The following ASIC2 variants were observed in gnomAD, a reference collection of about 807,000 sequenced individuals.
ASIC2 encodes the protein acid-sensing ion channel 2.
A neutral mutation model predicts 57.3 loss-of-function variants in ASIC2; 25 were observed. The ratio of observed to expected loss-of-function variants is 0.44; its 90% CI spans 0.32 to 0.61. The LOEUF (loss-of-function observed/expected upper bound fraction) is 0.61. Among genes scored for constraint, ASIC2 ranks in the 20% least tolerant of loss-of-function variants. The pLI is 0.06. For synonymous variants in ASIC2, 319 were observed against 307.5 expected, an observed-to-expected ratio of 1.04 and a Z score of -0.39; for missense variants, 641 against 738.1, an observed-to-expected ratio of 0.87 and a Z score of 1.52.
intron 1 of ASIC2, among the ~76,000 whole-genome samples, chr17:33,314,316 G>A (rs965461716): frequency 1.3e-5 from 2 of 152,192 alleles, no homozygotes; most frequent in Non-Finnish European, 2.9e-5. Context: ...ACCAGACCAT[G>A]AGGTGGGGAC....
intron 1 of ASIC2, among the ~76,000 whole-genome samples, chr17:33,710,861 C>A (rs886607730): frequency 1.3e-5 from 2 of 152,258 alleles, no homozygotes; most frequent in East Asian, 1.9e-4. Flanking sequence ...TTAGTTGAAG[C>A]CTGCAGGCCC....
intron 1 of ASIC2, among the ~76,000 whole-genome samples, chr17:33,659,862 ACT>A (rs1907195792): frequency 1.4e-5 from 2 of 146,254 alleles, no homozygotes; most frequent in East Asian, 2.0e-4. Flanking sequence ...ACAGAGCGAG[ACT>A]CTGTCTCAAA....
At chr17:34,155,461 C>T (rs765570946) in intron 1 of ASIC2, 34 of 161,194 alleles carry the variant, frequency 2.1e-4, no homozygotes, top group Non-Finnish European at 3.5e-4. Context: ...GCTCCCAAAG[C>T]CACCGGAGCC....
At chr17:33,746,282 GTATATACA>G (rs1414623630) in intron 1 of ASIC2, among the ~76,000 whole-genome samples, 11 of 148,632 alleles carry the variant, frequency 7.4e-5, no homozygotes, top group Non-Finnish European at 1.5e-4. Flanking sequence ...ACGTGTACAT[GTATATACA>G]TATACACGTA....
intron 1 of ASIC2, among the ~76,000 whole-genome samples, chr17:33,590,352 G>T (rs1904785916): frequency 6.6e-6 from 1 of 152,146 alleles, no homozygotes; most frequent in South Asian, 2.1e-4. Flanking sequence ...TGTCCTCTTT[G>T]TTAGGACCAT....
chr17:33,787,179 C>G (rs1347574140), intron 1 of ASIC2, among the ~76,000 whole-genome samples: 1 of 152,218 alleles, frequency 6.6e-6, no homozygotes, highest in South Asian at 2.1e-4. Flanking sequence ...CTTGCTATCT[C>G]CCATTGCAAC....
Position 33,230,067 on chromosome 17 carries a change from TC to T in ASIC2, c.708+61340del, listed in dbSNP as rs574774031. Among the ~76,000 whole-genome samples the T allele has an allele frequency of 6.0e-3, 907 of 152,298 alleles. 3 individuals carry two copies. Among genetic ancestry groups the T allele is most frequent in the Non-Finnish European group, 9.2e-3 (627 of 68,024 alleles). ...CAGGACATCTGTTCCCTCCCCTGCATCCCAGGTGAGACCCCTGCTGTTTCAT... is the reference window on the plus strand; with the variant it reads ...CAGGACATCTGTTCCCTCCCCTGCATCCAGGTGAGACCCCTGCTGTTTCAT... On this transcript the variant is annotated intron_variant, in intron 1 of 9. Coordinates refer to ENST00000225823, the MANE Select transcript of ASIC2 (RefSeq NM_183377.2).
In ASIC2 at chr17:33,519,068, C is replaced by T. The variant is rs1914663016; in HGVS notation, c.556-407001G>A. Among the ~76,000 whole-genome samples, 3 of 152,130 alleles carry T rather than the reference C, an allele frequency of 2.0e-5. No homozygotes were observed. The South Asian group carries it at 6.2e-4, about 32-fold the overall frequency. On this transcript the variant is annotated intron_variant, in intron 1 of 9. Transcript: ENST00000359872. The stretch of plus-strand genomic sequence containing the variant: ...ATCTCCTGACCTCGTGATCCGCCCG[C>T]CTCGGCCTCCCAAAGTGCTGGGATT...
intron 1 of ASIC2, among the ~76,000 whole-genome samples, chr17:33,868,574 T>C (rs535140637): frequency 1.3e-5 from 2 of 152,224 alleles, no homozygotes; most frequent in East Asian, 3.9e-4. Flanking sequence ...GCACTACAAG[T>C]ACAAGGAACA....
chr17:33,912,077 T>C (rs1359985959), intron 1 of ASIC2, among the ~76,000 whole-genome samples: 2 of 140,538 alleles, frequency 1.4e-5, no homozygotes, highest in Non-Finnish European at 3.0e-5. Context: ...GAGGCAGAGG[T>C]TGCAGTGAGC....
chr17:33,242,383 T>G (rs565556882), intron 1 of ASIC2, among the ~76,000 whole-genome samples: 19 of 152,282 alleles, frequency 1.2e-4, no homozygotes, highest in African/African-American at 4.6e-4. Context: ...TTTCAGAAAT[T>G]TAGGAAAATC....
intron 1 of ASIC2, among the ~76,000 whole-genome samples, chr17:33,754,254 A>G (rs1422034150): frequency 6.6e-6 from 1 of 151,942 alleles, no homozygotes; most frequent in African/African-American, 2.4e-5. Flanking sequence ...AACATCAGGG[A>G]TGATGGTGGG....
At chr17:33,598,428 G>C (rs1182916793) in intron 1 of ASIC2, among the ~76,000 whole-genome samples, 1 of 152,192 alleles carries the variant, frequency 6.6e-6, no homozygotes, top group African/African-American at 2.4e-5. Context: ...AATGGAGCTT[G>C]AGCTTCTTTC....
intron 1 of ASIC2, among the ~76,000 whole-genome samples, chr17:33,197,384 C>A (rs192333383): frequency 4.5e-4 from 68 of 152,346 alleles, no homozygotes; most frequent in Non-Finnish European, 1.5e-5. Context: ...CTGGGCCCCA[C>A]ACTTTCCAGG....
intron 1 of ASIC2, among the ~76,000 whole-genome samples, chr17:33,676,037 T>A (rs989184489): frequency 1.3e-5 from 2 of 152,242 alleles, no homozygotes; most frequent in Admixed American, 1.3e-4. Context: ...TATTTCAAAC[T>A]TTCTTATTAT....
intron 1 of ASIC2, among the ~76,000 whole-genome samples, chr17:33,327,917 A>G (rs747909571): frequency 6.6e-6 from 1 of 152,204 alleles, no homozygotes; most frequent in Non-Finnish European, 1.5e-5. Flanking sequence ...CATATAGGGA[A>G]GAAGGCCACA....
At chr17:33,023,806 T>C (rs912327784) in intron 6 of ASIC2, 55 bp downstream of exon 6, 11 of 1,603,626 alleles carry the variant, frequency 6.9e-6, no homozygotes, top group Non-Finnish European at 9.4e-6. Flanking sequence ...TTGCCTCCAA[T>C]TTCCTCCTTA....
At chr17:33,406,745 A>G (rs1431731617) in intron 1 of ASIC2, among the ~76,000 whole-genome samples, 1 of 152,224 alleles carries the variant, frequency 6.6e-6, no homozygotes, top group Non-Finnish European at 1.5e-5. Context: ...AGTACTTATT[A>G]AGACCATGGA....
At chr17:33,046,850 G>A (rs543318348) in intron 3 of ASIC2, among the ~76,000 whole-genome samples, 12 of 152,346 alleles carry the variant, frequency 7.9e-5, no homozygotes, top group South Asian at 2.1e-4. Context: ...CACCAGGGAG[G>A]CCGCTGGAGG....
Sources: allele counts gnomAD v4.1 joint callset (sites outside exome capture counted in the v4.1 genomes callset), GRCh38; gene constraint gnomAD v4.1.1; transcripts MANE v1.5; gene names NCBI Gene and HGNC (gene_info 2026-07-23, HGNC 2026-07-21).